The following VEPH1 variants were observed in gnomAD, a reference collection of about 807,000 sequenced individuals.
VEPH1 encodes ventricular zone expressed PH domain containing 1.
VEPH1 carries 80 observed loss-of-function variants against 85.2 expected under a neutral mutation model. The ratio of observed to expected loss-of-function variants is 0.94; its 90% CI spans 0.78 to 1.13. The LOEUF is 1.13. VEPH1 is among the 50% of genes most tolerant of loss of function. VEPH1 has a pLI of 0.00. For missense variants in VEPH1, 955 were observed against 980.5 expected (o/e 0.97, Z 0.35); for synonymous variants, 297 against 348.0 (o/e 0.85, Z 1.63).
At chr3:157,344,239 T>A (rs573355950) in intron 9 of VEPH1, among the ~76,000 whole-genome samples, 2 of 152,286 alleles carry the variant, frequency 1.3e-5, no homozygotes, top group East Asian at 3.9e-4. Context: ...AGTGAAATTG[T>A]CCCTGTTTGC....
At chr3:157,437,766 C>G (rs1353093486) in intron 4 of VEPH1, 17 of 1,485,834 alleles carry the variant, frequency 1.1e-5, no homozygotes, top group Non-Finnish European at 1.4e-5. Flanking sequence ...GCGACGCGGG[C>G]CGCAGGCTGG....
chr3:157,362,760 G>A (rs1726192524), intron 9 of VEPH1, among the ~76,000 whole-genome samples: 2 of 152,180 alleles, frequency 1.3e-5, no homozygotes, highest in Non-Finnish European at 2.9e-5. Context: ...TTTAACGTAA[G>A]CTAGGCTAAG....
At chr3:157,369,155 A>G (rs1196080087) in intron 7 of VEPH1, among the ~76,000 whole-genome samples, 1 of 144,182 alleles carries the variant, frequency 6.9e-6, no homozygotes, top group Non-Finnish European at 1.5e-5. Context: ...CAAACAAATA[A>G]CAACAACAAC....
At chr3:157,436,672 C>T in intron 4 of VEPH1, 1 of 340,766 alleles carries the variant, frequency 2.9e-6, no homozygotes, top group South Asian at 3.8e-5. Flanking sequence ...CTGACTGCAG[C>T]GTAAACCTTT....
chr3:157,499,837 C>G (rs1204925111), intron 1 of VEPH1, among the ~76,000 whole-genome samples: 1 of 152,092 alleles, frequency 6.6e-6, no homozygotes, highest in African/African-American at 2.4e-5. Flanking sequence ...TGTAGGGAGC[C>G]ACCTCTCAGA....
At chr3:157,497,799 G>T (rs752954251) in intron 1 of VEPH1, among the ~76,000 whole-genome samples, 3 of 152,182 alleles carry the variant, frequency 2.0e-5, no homozygotes, top group Non-Finnish European at 4.4e-5. Context: ...TTACTCTTGA[G>T]GGCCCATCAC....
At chr3:157,292,874 T>C (rs977874145) in intron 11 of VEPH1, among the ~76,000 whole-genome samples, 4 of 147,596 alleles carry the variant, frequency 2.7e-5, no homozygotes, top group African/African-American at 7.5e-5. Flanking sequence ...TGCCAGCTAC[T>C]TGGGAGGCTG....
intron 11 of VEPH1, among the ~76,000 whole-genome samples, chr3:157,293,392 A>T (rs1717761920): frequency 1.3e-5 from 2 of 152,216 alleles, no homozygotes; most frequent in African/African-American, 2.4e-5. Flanking sequence ...CCTCACTATC[A>T]CTACATATCA....
chr3:157,335,479 C>T (rs1197707453), intron 9 of VEPH1, among the ~76,000 whole-genome samples: 1 of 151,936 alleles, frequency 6.6e-6, no homozygotes. Flanking sequence ...AAAACTGAGA[C>T]AGGAAAGGAG....
chr3:157,320,428 C>G (rs1721229574), intron 9 of VEPH1, among the ~76,000 whole-genome samples: 1 of 151,884 alleles, frequency 6.6e-6, no homozygotes. Context: ...TGTAGAGAAC[C>G]CTGAAAGCAA....
intron 2 of VEPH1, among the ~76,000 whole-genome samples, chr3:157,479,058 GT>G (rs555614001): frequency 2.0e-5 from 3 of 152,140 alleles, no homozygotes; most frequent in Non-Finnish European, 4.4e-5. Flanking sequence ...TGTTTTAGTG[GT>G]ATAATTGAAT....
At chr3:157,458,212 CCTT>C (rs1441898339) in intron 4 of VEPH1, among the ~76,000 whole-genome samples, 1 of 152,048 alleles carries the variant, frequency 6.6e-6, no homozygotes, top group Non-Finnish European at 1.5e-5. Flanking sequence ...AGTAATATCA[CCTT>C]GTTGTTTCTG....
At chr3:157,386,517 G>A (rs73156777) in intron 6 of VEPH1, among the ~76,000 whole-genome samples, 12,854 of 152,148 alleles carry the variant, frequency 0.084, 784 homozygotes, top group African/African-American at 0.17. Flanking sequence ...GAAAGGGAGA[G>A]GAGTGATTTT....
At chr3:157,370,462 T>C (rs542095953) in intron 7 of VEPH1, among the ~76,000 whole-genome samples, 35 of 152,332 alleles carry the variant, frequency 2.3e-4, no homozygotes, top group African/African-American at 7.7e-4. Context: ...AGTCCTGAAT[T>C]CTTAGAATGC....
At chr3:157,312,225 A>G (rs1212069752) in intron 11 of VEPH1, among the ~76,000 whole-genome samples, 1 of 152,242 alleles carries the variant, frequency 6.6e-6, no homozygotes, top group East Asian at 1.9e-4. Context: ...TTGCTCAGTA[A>G]GCATCCAATA....
intron 12 of VEPH1, among the ~76,000 whole-genome samples, chr3:157,266,956 C>G (rs1413858285): frequency 1.3e-5 from 2 of 152,128 alleles, no homozygotes; most frequent in African/African-American, 4.8e-5. Context: ...ATGAACACAA[C>G]CTGCCTTTTG....
intron 7 of VEPH1, among the ~76,000 whole-genome samples, chr3:157,370,326 G>C (rs1006569665): frequency 6.6e-6 from 1 of 152,134 alleles, no homozygotes; most frequent in African/African-American, 2.4e-5. Flanking sequence ...TTAAATCAAA[G>C]AAAAATAATA....
At chr3:157,306,636 T>C (rs1719541652) in intron 11 of VEPH1, among the ~76,000 whole-genome samples, 1 of 152,052 alleles carries the variant, frequency 6.6e-6, no homozygotes, top group Non-Finnish European at 1.5e-5. Context: ...TGTTTTCTGA[T>C]GCACATATGT....
intron 2 of VEPH1, among the ~76,000 whole-genome samples, chr3:157,474,650 A>G (rs928388788): frequency 9.2e-5 from 14 of 152,160 alleles, no homozygotes; most frequent in Admixed American, 9.2e-4. Context: ...AGCATGGTGG[A>G]GCTACATGTA....
Sources: gnomAD v4.1 joint callset for allele counts (sites outside exome capture counted in the v4.1 genomes callset) on GRCh38, gnomAD v4.1.1 for gene constraint, MANE v1.5 for transcripts, NCBI Gene and HGNC (gene_info 2026-07-23, HGNC 2026-07-21) for gene names.